Variants in NRXN2 observed in about 807,000 individuals in gnomAD.
NRXN2 encodes the protein neurexin-2-beta.
Under a neutral mutation model 128.8 loss-of-function variants are expected in NRXN2, and 29 were observed. The ratio of observed to expected loss-of-function variants is 0.23; its 90% CI spans 0.17 to 0.31. The LOEUF (loss-of-function observed/expected upper bound fraction) is 0.31. NRXN2 is among the 10% of genes least tolerant of loss of function. The pLI, the probability that NRXN2 is intolerant of heterozygous loss-of-function variation, is 1.00. For missense variants in NRXN2, 1,881 were observed against 2,452.6 expected, an observed-to-expected ratio of 0.77 and a Z score of 4.92; for synonymous variants, 1,098 against 1,075.2, an observed-to-expected ratio of 1.02 and a Z score of -0.41.
At chr11:64,670,311 C>T (rs2135518588) in intron 7 of NRXN2, among the ~76,000 whole-genome samples, 1 of 152,174 alleles carries the variant, frequency 6.6e-6, no homozygotes, top group Non-Finnish European at 1.5e-5. Context: ...TTTCTTCTTC[C>T]CTCCACCCCA....
In NRXN2 at chr11:64,606,977, G is replaced by A; in HGVS notation, c.*219C>T. On this transcript the variant is annotated 3_prime_UTR_variant, in exon 23 of 23. Coordinates refer to ENST00000265459, the MANE Select transcript of NRXN2 (RefSeq NM_015080.4). ...GCCTGGCAGGCGCAGAGCTGAGAGG[G>A]ACAGTCAGCCCCGGGACTGACGAGG... 1 of 583,968 alleles carries A rather than the reference G, an allele frequency of 1.7e-6. No homozygotes were observed. Among genetic ancestry groups the A allele is most frequent in the Non-Finnish European group, 3.0e-6 (1 of 328,928 alleles). 36.2% of individuals were successfully genotyped at this position (583,968 alleles called of 1,614,324 possible).
intron 1 of NRXN2, among the ~76,000 whole-genome samples, chr11:64,716,831 C>G (rs1241272161): frequency 1.3e-5 from 2 of 152,090 alleles, no homozygotes. Context: ...TCACGCTTGC[C>G]AGGTAGAGAT....
chr11:64,694,796 C>G (rs978614674), intron 3 of NRXN2, among the ~76,000 whole-genome samples: 1 of 152,174 alleles, frequency 6.6e-6, no homozygotes, highest in Non-Finnish European at 1.5e-5. Context: ...CCGACTCTCC[C>G]GGTCAGAAGC....
intron 6 of NRXN2, among the ~76,000 whole-genome samples, chr11:64,680,375 C>T (rs764602237): frequency 7.2e-5 from 11 of 152,202 alleles, no homozygotes; most frequent in Non-Finnish European, 1.5e-4. Flanking sequence ...ATTTTTCAGA[C>T]ATACAAGCAG....
intron 9 of NRXN2, chr11:64,661,377 A>C: frequency 7.0e-7 from 1 of 1,424,558 alleles, no homozygotes; most frequent in Non-Finnish European, 9.2e-7. Context: ...CAGCTGCAGA[A>C]TGCTGTGGGC....
intron 11 of NRXN2, among the ~76,000 whole-genome samples, chr11:64,654,650 C>T (rs1339949173): frequency 1.3e-5 from 2 of 152,198 alleles, no homozygotes; most frequent in Non-Finnish European, 2.9e-5. Context: ...ACACACCACC[C>T]AAAGGTGGGA....
At position 64,647,303 on chromosome 11, in the gene NRXN2, G is replaced by A. The variant is rs575063716; in HGVS notation, c.3403+916C>T. On this transcript the variant is annotated intron_variant, in intron 17 of 22. Coordinates refer to ENST00000265459, the MANE Select transcript of NRXN2 (RefSeq NM_015080.4). ...GTTGACTTTTCTGCTTGGTCTCTCAGCAGGACCCCAGGGAAGATGATTCAA... is the reference window on the plus strand; with the variant it reads ...GTTGACTTTTCTGCTTGGTCTCTCAACAGGACCCCAGGGAAGATGATTCAA... 5.3e-5 allele frequency among the ~76,000 whole-genome samples: 8 copies of A among 151,922 alleles called. No homozygotes were observed. The East Asian group carries it at 1.5e-3, about 29-fold the overall frequency.
intron 22 of NRXN2, among the ~76,000 whole-genome samples, chr11:64,613,288 C>T (rs1313143029): frequency 6.6e-6 from 1 of 152,264 alleles, no homozygotes; most frequent in Non-Finnish European, 1.5e-5. Flanking sequence ...TGCCTGCCGG[C>T]CACTGAGCCT....
intron 5 of NRXN2, chr11:64,688,416 T>C (rs556728521): frequency 4.1e-6 from 4 of 985,006 alleles, no homozygotes; most frequent in Non-Finnish European, 4.8e-6. Context: ...AACCCGAAGA[T>C]GGTGAGGAGA....
chr11:64,707,182 G>A (rs1035392664), intron 2 of NRXN2, among the ~76,000 whole-genome samples: 4 of 152,080 alleles, frequency 2.6e-5, no homozygotes, highest in Admixed American at 6.6e-5. Flanking sequence ...CACGAGGTCA[G>A]GAGATCGAGA....
At chr11:64,642,166 G>A (rs1420561198) in intron 17 of NRXN2, among the ~76,000 whole-genome samples, 1 of 151,964 alleles carries the variant, frequency 6.6e-6, no homozygotes, top group East Asian at 1.9e-4. Flanking sequence ...CCGAGATGGA[G>A]AAGGTGATGC....
intron 5 of NRXN2, among the ~76,000 whole-genome samples, chr11:64,687,838 T>G (rs997088424): frequency 6.6e-6 from 1 of 152,048 alleles, no homozygotes; most frequent in Admixed American, 6.5e-5. Context: ...GCAACGAAAG[T>G]GGACAGGGAC....
chr11:64,679,841 C>G (rs2051938185), intron 6 of NRXN2, among the ~76,000 whole-genome samples: 1 of 152,150 alleles, frequency 6.6e-6, no homozygotes, highest in African/African-American at 2.4e-5. Context: ...TTGTGAAATA[C>G]TAGAATGCAG....
At chr11:64,666,558 G>A (rs1428156214) in intron 9 of NRXN2, among the ~76,000 whole-genome samples, 2 of 151,520 alleles carry the variant, frequency 1.3e-5, no homozygotes, top group East Asian at 1.9e-4. Flanking sequence ...AGGCATGGCT[G>A]GGAAGATATA....
intron 5 of NRXN2, among the ~76,000 whole-genome samples, chr11:64,687,395 C>T (rs2053211330): frequency 6.6e-6 from 1 of 152,192 alleles, no homozygotes; most frequent in South Asian, 2.1e-4. Flanking sequence ...AGGCAGGCTG[C>T]CCACAGCCTC....
intron 9 of NRXN2, among the ~76,000 whole-genome samples, chr11:64,664,690 A>G (rs2049536495): frequency 6.6e-6 from 1 of 152,110 alleles, no homozygotes; most frequent in Admixed American, 6.6e-5. Context: ...TTGTGTGCAC[A>G]TAGGAAATGG....
chr11:64,643,573 G>C (rs1454048230), intron 17 of NRXN2: 3 of 140,202 alleles, frequency 2.1e-5, no homozygotes, highest in Admixed American at 7.0e-5. Context: ...GAGAGGGAGA[G>C]AGGGAGAGAG....
chr11:64,690,330 C>T, intron 5 of NRXN2, 75 bp downstream of exon 5: 1 of 1,398,220 alleles, frequency 7.2e-7, no homozygotes. Context: ...GTTGACTTGG[C>T]TTCCCCCCAG....
rs1238368226 is a variant in NRXN2, at chr11:64,713,228, C to T, written c.472G>A (p.Asp158Asn). The T allele has an allele frequency of 2.7e-6, 4 of 1,464,758 alleles. No homozygotes were observed. Among genetic ancestry groups the T allele is most frequent in the Non-Finnish European group, 3.6e-6 (4 of 1,112,066 alleles). The allele number at this position is 1,464,758 out of a possible 1,614,324, so 90.7% of individuals were successfully genotyped here. ...SDLFVGGIPP[D>N]VRLSALTLST... ...AGCGTAAGCGCCGAGAGGCGCACGT[C>T]GGGCGGGATGCCGCCCACGAACAGG... The change falls in exon 2 of 23, where the codon GAC becomes AAC. Residue 158 changes from aspartate (D) to asparagine (N), a missense_variant. Asp to Asn is a conservative substitution (Grantham distance 23, BLOSUM62 1). Around this residue, in one of 7 missense-constraint regions of NRXN2, gnomAD observed 997 missense variants for 1,240.8 expected, o/e 0.80. Transcript: ENST00000265459.
Sources: gnomAD v4.1 joint callset for allele counts (sites outside exome capture counted in the v4.1 genomes callset) on GRCh38, gnomAD v4.1.1 for gene constraint, gnomAD v4.1.1 regional missense constraint, MANE v1.5 for transcripts, NCBI Gene and HGNC (gene_info 2026-07-23, HGNC 2026-07-21) for gene names.